LEMD1: variants seen among roughly 807,000 people sequenced by gnomAD.
The protein encoded by LEMD1 is LEM domain-containing protein 1.
Under a neutral mutation model 17.4 loss-of-function variants are expected in LEMD1, and 18 were observed. The observed-to-expected ratio is 1.04, with a 90% CI of 0.72 to 1.54. The LOEUF (loss-of-function observed/expected upper bound fraction) is 1.54. Ranked by LOEUF, LEMD1 falls within the 40% of genes most tolerant of loss-of-function variation. The pLI is 0.00. For missense variants in LEMD1, 195 were observed against 210.4 expected, an observed-to-expected ratio of 0.93 and a Z score of 0.45; for synonymous variants, 88 against 77.8, an observed-to-expected ratio of 1.13 and a Z score of -0.69.
At chr1:205,390,338 G>C (rs1009670196) in intron 4 of LEMD1, among the ~76,000 whole-genome samples, 1 of 150,394 alleles carries the variant, frequency 6.6e-6, no homozygotes, top group African/African-American at 2.5e-5. Flanking sequence ...CTGGGCGACA[G>C]AGCTACACTC....
chr1:205,395,562 G>A (rs1664552104), intron 4 of LEMD1, among the ~76,000 whole-genome samples: 1 of 148,862 alleles, frequency 6.7e-6, no homozygotes, highest in Non-Finnish European at 1.5e-5. Flanking sequence ...CCATTGCAAT[G>A]TAGCCTGGGC....
At chr1:205,427,321 G>A (rs1666070300) in intron 1 of LEMD1, among the ~76,000 whole-genome samples, 3 of 151,942 alleles carry the variant, frequency 2.0e-5, no homozygotes, top group African/African-American at 4.8e-5. Flanking sequence ...CTGGGGTCCT[G>A]CACTGGGATT....
At chr1:205,428,679 C>A (rs1666089164) in intron 1 of LEMD1, among the ~76,000 whole-genome samples, 2 of 151,972 alleles carry the variant, frequency 1.3e-5, no homozygotes, top group African/African-American at 4.8e-5. Flanking sequence ...CGTGGAATGG[C>A]AAGAAAAGTC....
intron 1 of LEMD1, 116 bp from the exon 2 acceptor site, chr1:205,420,690 C>T (rs1665923353): frequency 1.6e-6 from 1 of 611,026 alleles, no homozygotes; most frequent in Non-Finnish European, 2.9e-6. Flanking sequence ...GGTGCACAGG[C>T]AATAAAGCAA....
chr1:205,388,562 G>T (rs1424103218), intron 4 of LEMD1, among the ~76,000 whole-genome samples: 1 of 152,158 alleles, frequency 6.6e-6, no homozygotes, highest in Non-Finnish European at 1.5e-5. Flanking sequence ...GGAAGTAGAG[G>T]CTTAGGGAGC....
At chr1:205,408,175 A>C (rs755845237) in intron 4 of LEMD1, among the ~76,000 whole-genome samples, 12 of 152,194 alleles carry the variant, frequency 7.9e-5, no homozygotes, top group Non-Finnish European at 2.9e-5. Flanking sequence ...ACTGGTTGGA[A>C]GCAATGAATC....
rs890029672 is a variant in LEMD1 at position 205,448,389 on chromosome 1, C to T, written c.-39+1479G>A. 3 of 534,416 alleles carry T rather than the reference C, an allele frequency of 5.6e-6. No homozygotes were observed. The African/African-American group carries it at 5.8e-5, about 10-fold the overall frequency. 33.1% of individuals were successfully genotyped at this position (534,416 alleles called of 1,614,324 possible). The stretch of plus-strand genomic sequence containing the variant: ...CATAGGAATGAAAAGCCATAGGCCA[C>T]AGCAGAGTGGAGGGGTCCAGCGGCA... On this transcript the variant is annotated intron_variant, in intron 1 of 3. Coordinates refer to the LEMD1 transcript ENST00000367154. The surrounding 1 kb of genome is among the most constrained non-coding windows in gnomAD (Gnocchi z 4.7).
At chr1:205,449,209 C>CTG (rs781283005) in intron 1 of LEMD1, among the ~76,000 whole-genome samples, 3 of 152,154 alleles carry the variant, frequency 2.0e-5, no homozygotes, top group Non-Finnish European at 4.4e-5. Context: ...GATTGAAGAG[C>CTG]TGAGTTAAGG....
chr1:205,391,765 T>G (rs1664349442), intron 4 of LEMD1, among the ~76,000 whole-genome samples: 1 of 152,026 alleles, frequency 6.6e-6, no homozygotes, highest in Admixed American at 6.6e-5. Flanking sequence ...GTGCCCCTCT[T>G]TTCCCACCAG....
At chr1:205,381,902 C>T (rs750598240) in intron 5 of LEMD1, 46 bp from the exon 6 acceptor site, 1 of 1,590,164 alleles carries the variant, frequency 6.3e-7, no homozygotes, top group East Asian at 2.2e-5. Context: ...AGCTGTGGTG[C>T]ACTTGAGTAG....
At position 205,420,512 on chromosome 1, in the gene LEMD1, C is replaced by A; in HGVS notation, c.25G>T (p.Asp9Tyr). Reference sequence around the variant, plus strand: ...TCAAGTTGGTTCTGCAATTTACAGTCACTCAGACACTTCACATCCACCATG... The same window carrying A: ...TCAAGTTGGTTCTGCAATTTACAGTAACTCAGACACTTCACATCCACCATG... Reference protein sequence around the residue: MVDVKCLSDCKLQNQLEKL... With the variant: MVDVKCLSYCKLQNQLEKL... Residue 9 changes from aspartate to tyrosine, a missense_variant, in exon 2 of 6, where the codon GAC becomes TAC. Coordinates refer to ENST00000367153, the MANE Select transcript of LEMD1 (RefSeq NM_001199050.2). The A allele has an allele frequency of 1.2e-6, 2 of 1,614,020 alleles. No homozygotes were observed. Among genetic ancestry groups the A allele is most frequent in the South Asian group, 2.2e-5 (2 of 91,062 alleles).
At chr1:205,439,774 C>T (rs970878326) in intron 1 of LEMD1, among the ~76,000 whole-genome samples, 2 of 152,172 alleles carry the variant, frequency 1.3e-5, no homozygotes, top group African/African-American at 4.8e-5. Flanking sequence ...TGCTGGCATT[C>T]GTCTCTGCCT....
intron 4 of LEMD1, among the ~76,000 whole-genome samples, chr1:205,391,505 T>C (rs1301419785): frequency 6.6e-6 from 1 of 152,186 alleles, no homozygotes; most frequent in Non-Finnish European, 1.5e-5. Context: ...AAAAATTTTT[T>C]GATGTTAACT....
At chr1:205,391,758 C>G (rs1031754173) in intron 4 of LEMD1, among the ~76,000 whole-genome samples, 2 of 152,126 alleles carry the variant, frequency 1.3e-5, no homozygotes, top group Non-Finnish European at 2.9e-5. Context: ...AGAGGCAGTG[C>G]CCCTCTTTTC....
At position 205,448,449 on chromosome 1, in the gene LEMD1, C is replaced by G. The variant is rs1030774600; in HGVS notation, c.-39+1419G>C. 9 of 529,210 alleles carry G rather than the reference C, an allele frequency of 1.7e-5. No homozygotes were observed. Among genetic ancestry groups the G allele is most frequent in the African/African-American group, 1.2e-4 (6 of 51,772 alleles). The allele number at this position is 529,210 out of a possible 1,614,324, so 32.8% of individuals were successfully genotyped here. A position where few individuals can be genotyped will look rare whatever the true frequency, so the allele number is the denominator to read the frequency against. The stretch of plus-strand genomic sequence containing the variant: ...TAGGGAAGCGAGAAGCTGGGGCACC[C>G]GAGAAGCCCTCACTCCCCTTCTCAG... On this transcript the variant is annotated intron_variant, in intron 1 of 3. Coordinates refer to the LEMD1 transcript ENST00000367154. This position sits in a 1 kb window ranked among gnomAD's most constrained non-coding sequence, Gnocchi z 4.7.
At chr1:205,400,323 G>A (rs1034828633) in intron 4 of LEMD1, among the ~76,000 whole-genome samples, 1 of 152,200 alleles carries the variant, frequency 6.6e-6, no homozygotes, top group Non-Finnish European at 1.5e-5. Context: ...CTCCCAAAGT[G>A]TTGGGATTAC....
chr1:205,424,311 T>C (rs560857006), upstream of LEMD1, among the ~76,000 whole-genome samples: 1 of 152,208 alleles, frequency 6.6e-6, no homozygotes, highest in South Asian at 2.1e-4. Flanking sequence ...TTTCCCCAGA[T>C]ATTTCAGGCC....
chr1:205,419,377 T>A, intron 2 of LEMD1, 25 bp from the exon 3 acceptor site: 1 of 1,613,912 alleles, frequency 6.2e-7, no homozygotes. Context: ...GGAGAACAAA[T>A]TAAATTGTTC....
upstream of LEMD1, among the ~76,000 whole-genome samples, chr1:205,426,064 T>C (rs1666051193): frequency 6.6e-6 from 1 of 152,176 alleles, no homozygotes; most frequent in African/African-American, 2.4e-5. Flanking sequence ...ACTGGACTCA[T>C]ATGAAGAGTA....
Sources: gnomAD v4.1 joint callset for allele counts (sites outside exome capture counted in the v4.1 genomes callset) on GRCh38, gnomAD v4.1.1 for gene constraint, Gnocchi (gnomAD v3.1) non-coding constraint, MANE v1.5 for transcripts, NCBI Gene and HGNC (gene_info 2026-07-23, HGNC 2026-07-21) for gene names.